The following PFKFB2 variants were observed in gnomAD, a reference collection of about 807,000 sequenced individuals.
PFKFB2 encodes 6-phosphofructo-2-kinase/fructose-2,6-biphosphatase 2, also known as 6-phosphofructo-2-kinase/fructose-2,6-bisphosphatase 2.
PFKFB2 carries 53 observed loss-of-function variants against 68.0 expected under a neutral mutation model. The observed-to-expected ratio is 0.78, with a 90% CI of 0.63 to 0.98. The LOEUF (loss-of-function observed/expected upper bound fraction) is 0.98. Among genes scored for constraint, PFKFB2 ranks in the 50% least tolerant of loss-of-function variants. PFKFB2 has a pLI of 0.00. For missense variants in PFKFB2, 451 were observed against 642.0 expected (o/e 0.70, Z 3.22); for synonymous variants, 222 against 227.6 (o/e 0.98, Z 0.22).
Position 207,077,251 on chromosome 1 carries a change from T to A in PFKFB2, c.*4880T>A, listed in dbSNP as rs544742944. ...AATGTTGTATTCCATTGGACAGGGC[T>A]GCTATTTTTAGTCAGCCATGCATTT... On this transcript the variant is annotated 3_prime_UTR_variant, in exon 15 of 15. Coordinates refer to ENST00000367080, the MANE Select transcript of PFKFB2 (RefSeq NM_006212.2). The A allele has an allele frequency of 3.9e-5, 38 of 985,138 alleles. 1 individual carries two copies. In the South Asian group the frequency reaches 1.1e-3, roughly 28 times the overall value. 61.0% of individuals were successfully genotyped at this position (985,138 alleles called of 1,614,324 possible).
At position 207,076,027 on chromosome 1, in the gene PFKFB2, G is replaced by T; in HGVS notation, c.*3656G>T. 1.0e-6 allele frequency: 1 copy of T among 985,406 alleles called. No homozygotes were observed. Among genetic ancestry groups the T allele is most frequent in the Non-Finnish European group, 1.2e-6 (1 of 829,934 alleles). The allele number at this position is 985,406 out of a possible 1,614,324, so 61.0% of individuals were successfully genotyped here. A position where few individuals can be genotyped will look rare whatever the true frequency, so the allele number is the denominator to read the frequency against. ...TGCTAGGGATCTGCCCTATATCTTT[G>T]CCTCTGGTGTTTCGTTGTTGTTGTT... On this transcript the variant is annotated 3_prime_UTR_variant, in exon 15 of 15. Coordinates refer to ENST00000367080, the MANE Select transcript of PFKFB2 (RefSeq NM_006212.2).
rs182629763 is a variant in PFKFB2, at chr1:207,036,244, G to A, written c.-62+1772G>A. On this transcript the variant is annotated intron_variant, in intron 1 of 5. Coordinates refer to the PFKFB2 transcript ENST00000545806. ...AACTCTAAGCATGGCAGACTGAATAGACTGTAACCACTTGTCTCCTACCTG... is the reference window on the plus strand; with the variant it reads ...AACTCTAAGCATGGCAGACTGAATAAACTGTAACCACTTGTCTCCTACCTG... Among the ~76,000 whole-genome samples the A allele has an allele frequency of 5.9e-5, 9 of 152,290 alleles. No individual in the cohort carries two copies. The East Asian group carries it at 1.7e-3, about 29-fold the overall frequency.
chr1:207,076,636 G>A lies in PFKFB2; in HGVS notation c.*4265G>A. On this transcript the variant is annotated 3_prime_UTR_variant, in exon 15 of 15. Transcript: ENST00000367080. ...AGTTGGATCTCTGTGCTGACTGACT[G>A]ACAGACAGACTTTAGTGTCTGTGTG... The A allele has an allele frequency of 3.0e-6, 3 of 984,998 alleles. No individual in the cohort carries two copies. The highest frequency in any genetic ancestry group is 3.6e-6 in the Non-Finnish European group (3 of 829,576). The allele number at this position is 984,998 out of a possible 1,614,324, so 61.0% of individuals were successfully genotyped here. A position where few individuals can be genotyped will look rare whatever the true frequency, so the allele number is the denominator to read the frequency against.
chr1:207,079,173 C>G, downstream of PFKFB2: 1 of 683,834 alleles, frequency 1.5e-6, no homozygotes, highest in Non-Finnish European at 2.6e-6. Context: ...ACCATATTTC[C>G]TCCCCTCCTG....
At chr1:207,045,133 GT>G (rs1558052372) in intron 2 of PFKFB2, 2 of 152,352 alleles carry the variant, frequency 1.3e-5, no homozygotes, top group African/African-American at 4.8e-5. Context: ...TATATGACAC[GT>G]TTAAGGCCTC....
At chr1:207,060,509 C>T (rs1214545075) in intron 2 of PFKFB2, among the ~76,000 whole-genome samples, 1 of 152,200 alleles carries the variant, frequency 6.6e-6, no homozygotes. Context: ...GCTTTGCCAA[C>T]TCAATCTCAC....
At chr1:207,053,935 C>T (rs1682836028) in intron 1 of PFKFB2, among the ~76,000 whole-genome samples, 1 of 127,126 alleles carries the variant, frequency 7.9e-6, no homozygotes, top group African/African-American at 3.2e-5. Context: ...GACAGAGTCT[C>T]GCTCTGTCGC....
intron 1 of PFKFB2, among the ~76,000 whole-genome samples, chr1:207,037,001 T>G (rs531469696): frequency 1.1e-4 from 17 of 152,348 alleles, no homozygotes; most frequent in East Asian, 5.8e-4. Flanking sequence ...ATTACTATCA[T>G]TTTACTGAAG....
chr1:207,075,613 A>G lies in PFKFB2; in HGVS notation c.*3242A>G, dbSNP rs1683599025. 1.0e-6 allele frequency: 1 copy of G among 985,210 alleles called. No individual in the cohort carries two copies. The highest frequency in any genetic ancestry group is 6.1e-5 in the Admixed American group (1 of 16,270). The allele number at this position is 985,210 out of a possible 1,614,324, so 61.0% of individuals were successfully genotyped here. A position where few individuals can be genotyped will look rare whatever the true frequency, so the allele number is the denominator to read the frequency against. On this transcript the variant is annotated 3_prime_UTR_variant, in exon 15 of 15. Coordinates refer to ENST00000367080, the MANE Select transcript of PFKFB2 (RefSeq NM_006212.2). ...AGTTTTGTTTTGTGAGAAATAGGTA[A>G]AGACATTAGCATTTAATCTACTGGA... is the stretch of plus-strand genomic sequence containing the variant.
At chr1:207,057,186 G>A (rs71635121) in intron 2 of PFKFB2, among the ~76,000 whole-genome samples, 3 of 151,452 alleles carry the variant, frequency 2.0e-5, no homozygotes, top group Non-Finnish European at 4.4e-5. Flanking sequence ...GGTGGCTCAC[G>A]CCTGTAATCC....
rs1311000047 is a variant in PFKFB2 at position 207,074,581 on chromosome 1, T to G, written c.*2210T>G. 1 of 985,322 alleles carries G rather than the reference T, an allele frequency of 1.0e-6. No individual in the cohort carries two copies. The highest frequency in any genetic ancestry group is 1.2e-6 in the Non-Finnish European group (1 of 829,940). The allele number at this position is 985,322 out of a possible 1,614,324, so 61.0% of individuals were successfully genotyped here. On this transcript the variant is annotated 3_prime_UTR_variant, in exon 15 of 15. Coordinates refer to ENST00000367080, the MANE Select transcript of PFKFB2 (RefSeq NM_006212.2). ...GATACCATAGGCAGCTTCTAAAGGC[T>G]GCTTACCTAGATTCTTCTCAAAATT...
Position 207,068,166 on chromosome 1 carries a change from G to T in PFKFB2, c.844G>T (p.Ala282Ser). 7 of 1,603,536 alleles carry T rather than the reference G, an allele frequency of 4.4e-6. No individual in the cohort carries two copies. The highest frequency in any genetic ancestry group is 5.9e-6 in the Non-Finnish European group (7 of 1,176,718). Residue 282 changes from alanine (A) to serine (S), a missense_variant, in exon 10 of 15, where the codon GCC (alanine) becomes TCC (serine). Coordinates refer to ENST00000367080, the MANE Select transcript of PFKFB2 (RefSeq NM_006212.2). Reference protein sequence around the residue: ...SGLSVRGKQFAQALRKFLEEQ... With the variant: ...SGLSVRGKQFSQALRKFLEEQ... ...AATTTTCATTTTTAAACCCCAGTTTGCCCAAGCTCTAAGGAAATTTCTGGA... is the reference window on the plus strand; with the variant it reads ...AATTTTCATTTTTAAACCCCAGTTTTCCCAAGCTCTAAGGAAATTTCTGGA...
chr1:207,057,408 GCGGAGCTTGCAGTGAGC>G (rs937926448), intron 2 of PFKFB2, among the ~76,000 whole-genome samples: 2 of 150,492 alleles, frequency 1.3e-5, no homozygotes, highest in African/African-American at 4.9e-5. Context: ...AACCCGGGAG[GCGGAGCTTGCAGTGAGC>G]CGAGATCGCG....
chr1:207,051,283 G>A (rs1309771230), upstream of PFKFB2, among the ~76,000 whole-genome samples: 1 of 152,200 alleles, frequency 6.6e-6, no homozygotes, highest in Non-Finnish European at 1.5e-5. Flanking sequence ...ATGAAGGTCT[G>A]GAGATTGGAA....
chr1:207,041,625 A>G (rs952695760), intron 1 of PFKFB2, among the ~76,000 whole-genome samples: 1 of 152,070 alleles, frequency 6.6e-6, no homozygotes, highest in African/African-American at 2.4e-5. Context: ...TCTTTATCCA[A>G]TCTATCATTG....
chr1:207,049,137 A>C (rs1445590095), upstream of PFKFB2: 24 of 1,614,078 alleles, frequency 1.5e-5, no homozygotes, highest in Non-Finnish European at 2.0e-5. Context: ...TGACATCAGT[A>C]AACTGTCTCC....
chr1:207,065,423 C>T, intron 8 of PFKFB2: 1 of 434,744 alleles, frequency 2.3e-6, no homozygotes, highest in Non-Finnish European at 3.1e-6. Flanking sequence ...AAATCAGGGC[C>T]CACTGCAACT....
Position 207,072,398 on chromosome 1 carries a change from G to T in PFKFB2, c.*27G>T. On this transcript the variant is annotated 3_prime_UTR_variant, in exon 15 of 15. Coordinates refer to ENST00000367080, the MANE Select transcript of PFKFB2 (RefSeq NM_006212.2). ...CGAAGACCCAAGTCAGCATTCCGGTGGTGTAACTGTGTGTTTCCCTCCAGC... is the reference window on the plus strand; with the variant it reads ...CGAAGACCCAAGTCAGCATTCCGGTTGTGTAACTGTGTGTTTCCCTCCAGC... The T allele has an allele frequency of 1.9e-6, 3 of 1,606,002 alleles. No homozygotes were observed. The highest frequency in any genetic ancestry group is 2.6e-6 in the Non-Finnish European group (3 of 1,175,824).
At chr1:207,047,155 A>C (rs1682619879) in intron 2 of PFKFB2, 1 of 152,588 alleles carries the variant, frequency 6.6e-6, no homozygotes, top group Admixed American at 6.5e-5. Context: ...TAATTTGAAC[A>C]CATTATGATT....
Sources: gnomAD v4.1 joint callset for allele counts (sites outside exome capture counted in the v4.1 genomes callset) on GRCh38, gnomAD v4.1.1 for gene constraint, MANE v1.5 for transcripts, NCBI Gene and HGNC (gene_info 2026-07-23, HGNC 2026-07-21) for gene names.